Variants in AMPD1 observed in about 807,000 individuals in gnomAD.
AMPD1 encodes AMP deaminase 1.
In AMPD1, 74 loss-of-function variants were observed where a neutral mutation model predicts 82.9. The observed-to-expected ratio is 0.89, with a 90% confidence interval of 0.74 to 1.08. The LOEUF (loss-of-function observed/expected upper bound fraction) is 1.08, where lower values mean the gene tolerates loss of function less well. Ranked by LOEUF, AMPD1 falls within the 50% of genes least tolerant of loss-of-function variation. AMPD1 has a pLI of 0.00. For missense variants in AMPD1, 881 were observed against 924.5 expected (o/e 0.95, Z 0.61); for synonymous variants, 333 against 320.5 (o/e 1.04, Z -0.42).
chr1:114,678,109 T>C (rs1398350067), intron 8 of AMPD1, 68 bp from the exon 9 acceptor site: 7 of 1,599,772 alleles, frequency 4.4e-6, no homozygotes, highest in Non-Finnish European at 4.3e-6. Flanking sequence ...AGCTAGGAAA[T>C]AGTCAAGCAG....
intron 5 of AMPD1, among the ~76,000 whole-genome samples, chr1:114,682,677 C>T (rs1028279335): frequency 4.6e-5 from 7 of 151,722 alleles, no homozygotes; most frequent in Non-Finnish European, 8.8e-5. Context: ...CTCCCGGGTT[C>T]ACGCCATTCT....
At chr1:114,673,364 G>T in intron 15 of AMPD1, 92 bp from the exon 16 acceptor site, 1 of 1,410,080 alleles carries the variant, frequency 7.1e-7, no homozygotes, top group Non-Finnish European at 1.0e-6. Context: ...CCTTCCTTAT[G>T]TTAGCCACTG....
In AMPD1 at chr1:114,689,425, T is replaced by A. The variant is rs77950686; in HGVS notation, c.35-684A>T. Among the ~76,000 whole-genome samples, 1,071 of 152,272 alleles carry A rather than the reference T, an allele frequency of 7.0e-3. 8 individuals carry two copies. The highest frequency in any genetic ancestry group is 0.025 in the African/African-American group (1,044 of 41,548). ...TAATGAATGAACCTTGGAAGGCCAA[T>A]TTTACTTGTACATACCCTAATTTTC... On this transcript the variant is annotated intron_variant, in intron 2 of 15. Coordinates refer to ENST00000520113, the MANE Select transcript of AMPD1 (RefSeq NM_000036.3).
chr1:114,673,540 G>T, intron 15 of AMPD1, 99 bp downstream of exon 15: 2 of 1,032,410 alleles, frequency 1.9e-6, no homozygotes, highest in Middle Eastern at 2.0e-4. Flanking sequence ...CATATGATTC[G>T]TGGAACAATT....
rs953659413 is a variant in AMPD1 at position 114,686,675 on chromosome 1, G to A, written c.381+70C>T. 5 of 1,534,588 alleles carry A rather than the reference G, an allele frequency of 3.3e-6. No individual in the cohort carries two copies. The African/African-American group carries it at 5.5e-5, about 17-fold the overall frequency. On this transcript the variant is annotated intron_variant, in intron 4 of 15. Coordinates refer to ENST00000520113, the MANE Select transcript of AMPD1 (RefSeq NM_000036.3). Reference sequence around the variant, plus strand: ...CTCCCTCAACAGGAAAGAGAAGAAGGCAAGGAGCTAGAACTGTCAAGCTGA... The same window carrying A: ...CTCCCTCAACAGGAAAGAGAAGAAGACAAGGAGCTAGAACTGTCAAGCTGA...
At position 114,693,420 on chromosome 1, in the gene AMPD1, G is replaced by A. The variant is rs763002442; in HGVS notation, c.34+16C>T. Reference sequence around the variant, plus strand: ...GATACTCTGACAAATGGCAGCAAAAGTAATGCAATACTCACGTTTCTCTTC... The same window carrying A: ...GATACTCTGACAAATGGCAGCAAAAATAATGCAATACTCACGTTTCTCTTC... On this transcript the variant is annotated intron_variant, in intron 2 of 15. Coordinates refer to ENST00000520113, the MANE Select transcript of AMPD1 (RefSeq NM_000036.3). 1.9e-6 allele frequency: 3 copies of A among 1,608,926 alleles called. No homozygotes were observed. Among genetic ancestry groups the A allele is most frequent in the African/African-American group, 1.3e-5 (1 of 74,832 alleles).
rs754868231 is a variant in AMPD1 at position 114,678,314 on chromosome 1, C to T, written c.1092+19G>A. 9 of 1,611,652 alleles carry T rather than the reference C, an allele frequency of 5.6e-6. No individual in the cohort carries two copies. In the South Asian group the frequency reaches 9.9e-5, roughly 18 times the overall value. The stretch of plus-strand genomic sequence containing the variant: ...GTTCTGAGTATTAGAGTGAAACTGA[C>T]ATTGCCGTTTCAACCTACAGCATGA... On this transcript the variant is annotated intron_variant, in intron 8 of 15. Coordinates refer to ENST00000520113, the MANE Select transcript of AMPD1 (RefSeq NM_000036.3).
chr1:114,682,348 A>T (rs190763976), intron 5 of AMPD1, among the ~76,000 whole-genome samples: 1 of 152,306 alleles, frequency 6.6e-6, no homozygotes, highest in African/African-American at 2.4e-5. Context: ...AAATCCTTAT[A>T]CTTAAGGATT....
rs138460726 is a variant in AMPD1, at chr1:114,673,155, C to T, written c.2203G>A (p.Glu735Lys). Residue 735 changes from glutamate (E) to lysine (K), a missense_variant, in exon 16 of 16, where the codon GAA (glutamate) becomes AAA (lysine). Transcript: ENST00000520113. The part of the protein sequence containing the change: ...MAYRYETWCY[E>K]LNLIAEGLKS... ...AGACCCTCAGCAATTAAATTGAGTTCATAACACCAGGTTTCATAGCGATAG... is the reference window on the plus strand; with the variant it reads ...AGACCCTCAGCAATTAAATTGAGTTTATAACACCAGGTTTCATAGCGATAG... 1 of 1,613,916 alleles carries T rather than the reference C, an allele frequency of 6.2e-7. No individual in the cohort carries two copies. The highest frequency in any genetic ancestry group is 8.5e-7 in the Non-Finnish European group (1 of 1,179,988).
Position 114,675,792 on chromosome 1 carries a change from G to A in AMPD1, c.1515+85C>T, listed in dbSNP as rs2070986. On this transcript the variant is annotated intron_variant, in intron 11 of 15. Coordinates refer to ENST00000520113, the MANE Select transcript of AMPD1 (RefSeq NM_000036.3). The stretch of plus-strand genomic sequence containing the variant: ...TCCAAAGGCACAGACCAAACATAAA[G>A]AGATAAGCACCAAGAATTAGTCATG... 218,511 of 1,612,940 alleles carry A rather than the reference G, an allele frequency of 0.14. 22,394 individuals carry two copies. Among genetic ancestry groups the A allele is most frequent in the East Asian group, 0.47 (20,894 of 44,862 alleles).
At position 114,693,558 on chromosome 1, in the gene AMPD1, C is replaced by T. The variant is rs1658584111; in HGVS notation, c.23-111G>A. 3 of 951,350 alleles carry T rather than the reference C, an allele frequency of 3.2e-6. No individual in the cohort carries two copies. The Admixed American group carries it at 5.3e-5, about 17-fold the overall frequency. The allele number at this position is 951,350 out of a possible 1,614,324, so 58.9% of individuals were successfully genotyped here. ...CACATGTAGATTGCTGTTATTTCAGCTCAGCCTTCCAGCTTGTCTACAGTT... is the reference window on the plus strand; with the variant it reads ...CACATGTAGATTGCTGTTATTTCAGTTCAGCCTTCCAGCTTGTCTACAGTT... On this transcript the variant is annotated intron_variant, in intron 1 of 15. Transcript: ENST00000520113.
intron 2 of AMPD1, among the ~76,000 whole-genome samples, chr1:114,691,964 T>G (rs1457165763): frequency 6.6e-6 from 1 of 152,072 alleles, no homozygotes; most frequent in Non-Finnish European, 1.5e-5. Flanking sequence ...AAAGAAAATG[T>G]GTGTATTAAC....
chr1:114,674,696 G>GA, intron 13 of AMPD1, 56 bp downstream of exon 13: 1 of 1,586,282 alleles, frequency 6.3e-7, no homozygotes, highest in Non-Finnish European at 8.7e-7. Flanking sequence ...TTGGTTAAGG[G>GA]AAAAAAGATT....
intron 6 of AMPD1, among the ~76,000 whole-genome samples, chr1:114,679,982 C>T (rs1054164151): frequency 3.9e-5 from 6 of 152,160 alleles, no homozygotes; most frequent in Admixed American, 3.3e-4. Flanking sequence ...TCAGCAGATT[C>T]GAGTGTGAAT....
intron 1 of AMPD1, 102 bp downstream of exon 1, chr1:114,695,348 A>T: frequency 6.6e-7 from 1 of 1,526,242 alleles, no homozygotes; most frequent in Admixed American, 1.9e-5. Flanking sequence ...ACGAACCCTA[A>T]ATGAATGATC....
intron 7 of AMPD1, 123 bp downstream of exon 7, chr1:114,679,456 T>G: frequency 2.9e-6 from 4 of 1,379,506 alleles, no homozygotes; most frequent in Non-Finnish European, 4.1e-6. Context: ...CTGTTTTTAC[T>G]AAAATCCACT....
intron 3 of AMPD1, among the ~76,000 whole-genome samples, chr1:114,687,386 A>T (rs547050767): frequency 3.3e-5 from 5 of 152,330 alleles, no homozygotes; most frequent in African/African-American, 1.2e-4. Context: ...CCTGGAACTT[A>T]TAAGGTATTT....
At chr1:114,677,634 T>A (rs1658028287) in intron 9 of AMPD1, 120 bp from the exon 10 acceptor site, 1 of 1,389,662 alleles carries the variant, frequency 7.2e-7, no homozygotes, top group Admixed American at 1.9e-5. Flanking sequence ...AGGTCCTTAA[T>A]CAATCTCAAA....
At chr1:114,685,796 T>C (rs1008878715) in intron 4 of AMPD1, among the ~76,000 whole-genome samples, 1 of 152,234 alleles carries the variant, frequency 6.6e-6, no homozygotes, top group East Asian at 1.9e-4. Flanking sequence ...CATTTCCTTT[T>C]AGTTATTTAG....
Sources: allele counts gnomAD v4.1 joint callset (sites outside exome capture counted in the v4.1 genomes callset), GRCh38; gene constraint gnomAD v4.1.1; transcripts MANE v1.5; gene names NCBI Gene and HGNC (gene_info 2026-07-23, HGNC 2026-07-21).